Variants in SCN3A observed in about 807,000 individuals in gnomAD.
SCN3A encodes the protein sodium channel protein type 3 subunit alpha.
SCN3A carries 60 observed loss-of-function variants against 187.6 expected under a neutral mutation model. The observed-to-expected ratio is 0.32, with a 90% CI of 0.26 to 0.40. The LOEUF is 0.40. Ranked by LOEUF, SCN3A falls within the 10% of genes least tolerant of loss-of-function variation. The pLI is 1.00. For missense variants in SCN3A, 1,601 were observed against 2,428.2 expected (o/e 0.66, Z 7.16); for synonymous variants, 788 against 829.2 (o/e 0.95, Z 0.85).
At chr2:165,196,192 T>C (rs1009016068) in intron 1 of SCN3A, among the ~76,000 whole-genome samples, 71 of 111,916 alleles carry the variant, frequency 6.3e-4, no homozygotes, top group African/African-American at 2.2e-3. Flanking sequence ...AAAGGTTGGA[T>C]TTTTTTTTTT....
rs1221285213 is a variant in SCN3A at position 165,115,543 on chromosome 2, G to A, written c.3426C>T (p.Ser1142=). 8 of 1,613,094 alleles carry A rather than the reference G, an allele frequency of 5.0e-6. No individual in the cohort carries two copies. Among genetic ancestry groups the A allele is most frequent in the South Asian group, 1.1e-5 (1 of 91,032 alleles). The change falls in exon 19 of 28, where the codon AGC becomes AGT. Residue 1142 remains serine, a synonymous_variant. Coordinates refer to ENST00000283254, the MANE Select transcript of SCN3A (RefSeq NM_006922.4). ...KLNATSSSEG[S]TVDVVLPREG... Reference sequence around the variant, plus strand: ...CTCGGGGTAGAACAACATCAACTGTGCTTCCTTCAGATGAGCTGGTTGCAT... The same window carrying A: ...CTCGGGGTAGAACAACATCAACTGTACTTCCTTCAGATGAGCTGGTTGCAT...
chr2:165,101,037 T>C (rs537359001), intron 21 of SCN3A, among the ~76,000 whole-genome samples: 1 of 152,304 alleles, frequency 6.6e-6, no homozygotes. Context: ...ATTTAGAATA[T>C]AGTCCTCGTC....
chr2:165,168,118 A>C (rs959517936), intron 5 of SCN3A, among the ~76,000 whole-genome samples: 4 of 152,064 alleles, frequency 2.6e-5, no homozygotes, highest in Non-Finnish European at 5.9e-5. Flanking sequence ...TCTATGTTGT[A>C]TTCTAGTTAC....
intron 24 of SCN3A, 58 bp downstream of exon 24, chr2:165,096,409 C>G: frequency 1.5e-6 from 2 of 1,345,690 alleles, no homozygotes; most frequent in Non-Finnish European, 1.1e-6. Context: ...TTTAAATTAC[C>G]ACCAATATTC....
At chr2:165,122,243 T>TC (rs1452162263) in intron 18 of SCN3A, among the ~76,000 whole-genome samples, 2 of 148,704 alleles carry the variant, frequency 1.3e-5, no homozygotes, top group Non-Finnish European at 3.0e-5. Context: ...TTTTTTCTTT[T>TC]TTTTTTTTTT....
At chr2:165,156,229 G>T (rs964842746) in intron 9 of SCN3A, among the ~76,000 whole-genome samples, 26 of 152,126 alleles carry the variant, frequency 1.7e-4, no homozygotes, top group Non-Finnish European at 1.3e-4. Context: ...AATTAAGGCC[G>T]GGTGCAGTGG....
chr2:165,128,464 C>T (rs1323944570), intron 17 of SCN3A, among the ~76,000 whole-genome samples: 1 of 151,902 alleles, frequency 6.6e-6, no homozygotes, highest in African/African-American at 2.4e-5. Flanking sequence ...ATACTTTCTT[C>T]TTAATCATTT....
chr2:165,097,079 T>C (rs973671302), intron 23 of SCN3A, among the ~76,000 whole-genome samples, 173 bp downstream of exon 23: 1 of 152,134 alleles, frequency 6.6e-6, no homozygotes, highest in Non-Finnish European at 1.5e-5. Context: ...AAATACATTA[T>C]AAAATAATTG....
chr2:165,162,473 G>A, intron 8 of SCN3A, 83 bp downstream of exon 8: 1 of 1,594,194 alleles, frequency 6.3e-7, no homozygotes, highest in Non-Finnish European at 8.6e-7. Context: ...TTACAAAGGT[G>A]GCTGTACACC....
intron 18 of SCN3A, among the ~76,000 whole-genome samples, chr2:165,126,436 TTCC>T (rs1686991397): frequency 6.6e-6 from 1 of 151,608 alleles, no homozygotes; most frequent in Admixed American, 6.6e-5. Context: ...CTTCCCTTCC[TTCC>T]TTTCTTTCTC....
intron 18 of SCN3A, among the ~76,000 whole-genome samples, chr2:165,125,692 T>C (rs545763368): frequency 6.6e-6 from 1 of 152,298 alleles, no homozygotes; most frequent in Admixed American, 6.5e-5. Context: ...CAAGATTTCC[T>C]TGAAGGAGAG....
intron 18 of SCN3A, among the ~76,000 whole-genome samples, 198 bp from the exon 19 acceptor site, chr2:165,115,773 G>C (rs1244602576): frequency 6.6e-6 from 1 of 152,014 alleles, no homozygotes; most frequent in Non-Finnish European, 1.5e-5. Flanking sequence ...ACCTGAATCA[G>C]ACAAAAAAAG....
chr2:165,129,929 T>C lies in SCN3A; in HGVS notation c.2922+11A>G, dbSNP rs758275767. 2 of 1,613,992 alleles carry C rather than the reference T, an allele frequency of 1.2e-6. No homozygotes were observed. Among genetic ancestry groups the C allele is most frequent in the South Asian group, 2.2e-5 (2 of 91,088 alleles). On this transcript the variant is annotated intron_variant, in intron 17 of 27. Transcript: ENST00000283254. Reference sequence around the variant, plus strand: ...TGTTCTAATTTATGAGCATTTGTACTACATACATACCACAAGGTTTCCAAT... The same window carrying C: ...TGTTCTAATTTATGAGCATTTGTACCACATACATACCACAAGGTTTCCAAT...
intron 8 of SCN3A, 88 bp downstream of exon 8, chr2:165,162,468 A>C: frequency 6.3e-7 from 1 of 1,596,478 alleles, no homozygotes; most frequent in South Asian, 1.1e-5. Flanking sequence ...GTTATTTACA[A>C]AGGTGGCTGT....
chr2:165,198,631 A>G (rs750094885), intron 1 of SCN3A, among the ~76,000 whole-genome samples: 1 of 151,998 alleles, frequency 6.6e-6, no homozygotes, highest in Non-Finnish European at 1.5e-5. Flanking sequence ...GGCGTTTTCC[A>G]TTTTAAAAAG....
chr2:165,127,721 G>A lies in SCN3A; in HGVS notation c.3303C>T (p.Val1101=). 6.2e-7 allele frequency: 1 copy of A among 1,614,148 alleles called. No homozygotes were observed. The highest frequency in any genetic ancestry group is 8.5e-7 in the Non-Finnish European group (1 of 1,180,012). Reference sequence around the variant, plus strand: ...ACTCTCCAACAGCAATTGGCACTGTGACGGTGAGGCTGGGGTTGTTTATGA... The same window carrying A: ...ACTCTCCAACAGCAATTGGCACTGTAACGGTGAGGCTGGGGTTGTTTATGA... ...MSFINNPSLT[V]TVPIAVGESD... The change falls in exon 18 of 28, where the codon GTC becomes GTT. Residue 1101 remains valine (V), a synonymous_variant. Transcript: ENST00000283254.
intron 12 of SCN3A, among the ~76,000 whole-genome samples, chr2:165,142,530 G>C (rs7609109): frequency 6.6e-6 from 1 of 151,952 alleles, no homozygotes; most frequent in Non-Finnish European, 1.5e-5. Flanking sequence ...CTGTGTCTAT[G>C]TGACACTCAA....
At chr2:165,091,663 T>A (rs1173148159) in intron 27 of SCN3A, among the ~76,000 whole-genome samples, 2 of 152,232 alleles carry the variant, frequency 1.3e-5, no homozygotes, top group African/African-American at 4.8e-5. Flanking sequence ...AACAAAAATA[T>A]TTCTGAAATC....
chr2:165,146,003 T>G (rs1159874411), intron 12 of SCN3A, among the ~76,000 whole-genome samples: 1 of 152,128 alleles, frequency 6.6e-6, no homozygotes, highest in Non-Finnish European at 1.5e-5. Flanking sequence ...AAACTAGTTT[T>G]TACTCTTTTA....
Sources: allele counts gnomAD v4.1 joint callset (sites outside exome capture counted in the v4.1 genomes callset), GRCh38; gene constraint gnomAD v4.1.1; transcripts MANE v1.5; gene names NCBI Gene and HGNC (gene_info 2026-07-23, HGNC 2026-07-21).